The following SOX6 variants were observed in gnomAD, a reference collection of about 807,000 sequenced individuals.
The protein encoded by SOX6 is transcription factor SOX-6.
A neutral mutation model predicts 97.8 loss-of-function variants in SOX6; 11 were observed. The observed-to-expected ratio is 0.11, with a 90% CI of 0.07 to 0.19. The LOEUF (loss-of-function observed/expected upper bound fraction) is 0.19, where lower values mean the gene tolerates loss of function less well. SOX6 is among the 10% of genes least tolerant of loss of function. The pLI, the probability that SOX6 is intolerant of heterozygous loss-of-function variation, is 1.00. For missense variants in SOX6, 810 were observed against 1,039.5 expected (o/e 0.78, Z 3.04); for synonymous variants, 360 against 371.4 (o/e 0.97, Z 0.35).
intron 6 of SOX6, among the ~76,000 whole-genome samples, chr11:16,146,988 C>T (rs1410187474): frequency 1.3e-5 from 2 of 152,286 alleles, no homozygotes; most frequent in East Asian, 1.9e-4. Context: ...TTTGACCCAG[C>T]CATCCCATTA....
intron 11 of SOX6, among the ~76,000 whole-genome samples, chr11:16,046,908 C>T (rs1338976443): frequency 6.6e-6 from 1 of 152,118 alleles, no homozygotes. Flanking sequence ...TGGAGAAAAC[C>T]CCAGCACTCC....
In SOX6 at chr11:16,464,891, A is replaced by G. The variant is rs1022264490; in HGVS notation, c.-5+11424T>C. 6.6e-5 allele frequency among the ~76,000 whole-genome samples: 10 copies of G among 152,276 alleles called. 1 individual carries two copies. The highest frequency in any genetic ancestry group is 3.9e-4 in the Admixed American group (6 of 15,290). On this transcript the variant is annotated intron_variant, in intron 1 of 15. Transcript: ENST00000396356. ...ATAAACTTTACATAAATCAGGGGGG[A>G]AAAACTGTAGAACTCCTTTTACATT...
chr11:16,291,990 G>A (rs1056695491), intron 3 of SOX6, among the ~76,000 whole-genome samples: 1 of 152,096 alleles, frequency 6.6e-6, no homozygotes, highest in African/African-American at 2.4e-5. Context: ...TAGTCCCAGA[G>A]GCTTAAACTA....
At chr11:16,464,163 C>T (rs146052440) in intron 1 of SOX6, among the ~76,000 whole-genome samples, 1,669 of 152,244 alleles carry the variant, frequency 0.011, 16 homozygotes, top group South Asian at 0.018. Context: ...TTTCACAAAT[C>T]CCAATTCAAG....
chr11:15,997,095 T>C (rs1590117703), intron 13 of SOX6, among the ~76,000 whole-genome samples: 2 of 152,288 alleles, frequency 1.3e-5, no homozygotes, highest in African/African-American at 2.4e-5. Flanking sequence ...AAGGGAATAT[T>C]ATAAATAACT....
At chr11:16,307,818 C>T (rs530694297) in intron 3 of SOX6, among the ~76,000 whole-genome samples, 5 of 152,300 alleles carry the variant, frequency 3.3e-5, no homozygotes, top group Admixed American at 3.3e-4. Context: ...ATTATACCTT[C>T]ATCAATTTTT....
chr11:16,722,292 C>T (rs1443791783), intron 2 of SOX6, among the ~76,000 whole-genome samples: 1 of 152,096 alleles, frequency 6.6e-6, no homozygotes, highest in African/African-American at 2.4e-5. Context: ...GTCTAATATC[C>T]AGCATCTATA....
chr11:16,092,205 G>A (rs1310398840), intron 9 of SOX6, among the ~76,000 whole-genome samples: 1 of 151,896 alleles, frequency 6.6e-6, no homozygotes, highest in Middle Eastern at 3.2e-3. Flanking sequence ...TACATATACT[G>A]AGCCCCATCC....
At chr11:16,285,057 T>C (rs1487047637) in intron 3 of SOX6, among the ~76,000 whole-genome samples, 1 of 152,104 alleles carries the variant, frequency 6.6e-6, no homozygotes, top group Non-Finnish European at 1.5e-5. Flanking sequence ...CTAGGTTTTA[T>C]TGGAAGGGCA....
chr11:16,707,859 G>C (rs1848149237), intron 3 of SOX6, among the ~76,000 whole-genome samples: 1 of 152,092 alleles, frequency 6.6e-6, no homozygotes, highest in African/African-American at 2.4e-5. Flanking sequence ...CAGATTTAGG[G>C]ATGCCTACAA....
intron 4 of SOX6, among the ~76,000 whole-genome samples, chr11:16,579,764 T>C (rs1238201282): frequency 6.6e-6 from 1 of 152,130 alleles, no homozygotes; most frequent in Non-Finnish European, 1.5e-5. Flanking sequence ...AAGCGGTGTA[T>C]GTCTTTTAGT....
chr11:16,254,909 A>G (rs1853638684), intron 3 of SOX6, among the ~76,000 whole-genome samples: 2 of 152,088 alleles, frequency 1.3e-5, no homozygotes, highest in African/African-American at 2.4e-5. Flanking sequence ...AGATAAATAT[A>G]GATTAAAATA....
chr11:16,181,877 C>T (rs1851357236), intron 6 of SOX6, among the ~76,000 whole-genome samples: 1 of 151,670 alleles, frequency 6.6e-6, no homozygotes, highest in South Asian at 2.1e-4. Context: ...ATTTATACTG[C>T]TAAGTTCAAG....
chr11:16,240,884 T>C (rs1003348459), intron 3 of SOX6, among the ~76,000 whole-genome samples: 1 of 152,086 alleles, frequency 6.6e-6, no homozygotes, highest in Non-Finnish European at 1.5e-5. Flanking sequence ...AGTGCTTGTT[T>C]TGCTGACATG....
rs1000780321 is a variant in SOX6, at chr11:16,613,635, A to G, written n.430-1375T>C. On this transcript the variant is annotated intron_variant and non_coding_transcript_variant, in intron 3 of 5. Transcript: ENST00000524520. The surrounding 1 kb of genome is among the most constrained non-coding windows in gnomAD (Gnocchi z 4.6). ...CGCGCGCGGACCCACGAGCACACACACACGCACGCACACACACAGACACGC... is the reference window on the plus strand; with the variant it reads ...CGCGCGCGGACCCACGAGCACACACGCACGCACGCACACACACAGACACGC... 1.3e-5 allele frequency among the ~76,000 whole-genome samples: 2 copies of G among 152,058 alleles called. No individual in the cohort carries two copies. Among genetic ancestry groups the G allele is most frequent in the Admixed American group, 6.5e-5 (1 of 15,298 alleles).
At chr11:16,136,314 G>A (rs960266483) in intron 6 of SOX6, among the ~76,000 whole-genome samples, 6 of 148,924 alleles carry the variant, frequency 4.0e-5, no homozygotes, top group Non-Finnish European at 8.9e-5. Flanking sequence ...TAGTATTTTT[G>A]GATTAAGGTA....
chr11:16,394,202 A>T (rs10832600), intron 1 of SOX6, among the ~76,000 whole-genome samples: 59,024 of 151,648 alleles, frequency 0.39, 11,553 homozygotes, highest in East Asian at 0.52. Flanking sequence ...CACCATCAGA[A>T]TTCCATAGTC....
intron 1 of SOX6, among the ~76,000 whole-genome samples, chr11:16,446,867 T>C (rs183154177): frequency 5.3e-5 from 8 of 151,522 alleles, no homozygotes; most frequent in Non-Finnish European, 1.0e-4. Context: ...TTCTGGAGGG[T>C]CTGTTTTCCT....
intron 13 of SOX6, among the ~76,000 whole-genome samples, chr11:15,993,460 T>TAGA (rs11471545): frequency 0.42 from 64,011 of 151,588 alleles, 13,888 homozygotes; most frequent in East Asian, 0.62. Flanking sequence ...GGAAAGCAGT[T>TAGA]AGAAGCCTAG....
Sources: allele counts gnomAD v4.1 joint callset (sites outside exome capture counted in the v4.1 genomes callset), GRCh38; gene constraint gnomAD v4.1.1; non-coding constraint Gnocchi (gnomAD v3.1); transcripts MANE v1.5; gene names NCBI Gene and HGNC (gene_info 2026-07-23, HGNC 2026-07-21).